Variants in IL22RA1 observed in about 807,000 individuals in gnomAD.
IL22RA1 encodes the protein interleukin-22 receptor subunit alpha-1.
IL22RA1 carries 25 observed loss-of-function variants against 32.8 expected under a neutral mutation model. The ratio of observed to expected loss-of-function variants is 0.76; its 90% confidence interval spans 0.55 to 1.06. The LOEUF (loss-of-function observed/expected upper bound fraction) is 1.06, where lower values mean the gene tolerates loss of function less well. Among genes scored for constraint, IL22RA1 ranks in the 50% least tolerant of loss-of-function variants. The pLI is 0.00. For missense variants in IL22RA1, 709 were observed against 727.4 expected (o/e 0.97, Z 0.29); for synonymous variants, 305 against 305.0 (o/e 1.00, Z 0.00).
rs753398266 is a variant in IL22RA1, at chr1:24,120,943, G to T, written c.1587C>A (p.Pro529=). Reference sequence around the variant, plus strand: ...ACACAAGGGACTCCAGCAGGCCCCAGGGACTTGGACCTTGGTCCGAGGGGG... The same window carrying T: ...ACACAAGGGACTCCAGCAGGCCCCATGGACTTGGACCTTGGTCCGAGGGGG... ...PCSPSDQGPS[P]WGLLESLVCP... The change falls in exon 7 of 7, where the codon CCC becomes CCA. Residue 529 remains proline, a synonymous_variant. Coordinates refer to ENST00000270800, the MANE Select transcript of IL22RA1 (RefSeq NM_021258.4). The T allele has an allele frequency of 1.2e-6, 2 of 1,614,126 alleles. No homozygotes were observed. Among genetic ancestry groups the T allele is most frequent in the African/African-American group, 2.7e-5 (2 of 74,962 alleles).
chr1:24,126,985 A>G (rs1644165666), intron 5 of IL22RA1, among the ~76,000 whole-genome samples: 1 of 150,684 alleles, frequency 6.6e-6, no homozygotes, highest in Admixed American at 6.6e-5. Flanking sequence ...AGCCTGAGCA[A>G]CAGGATGAAA....
At chr1:24,127,118 G>A (rs1644170743) in intron 5 of IL22RA1, among the ~76,000 whole-genome samples, 1 of 152,034 alleles carries the variant, frequency 6.6e-6, no homozygotes, top group South Asian at 2.1e-4. Flanking sequence ...CTGGGAAGCA[G>A]AAGTTGTAGT....
intron 3 of IL22RA1, among the ~76,000 whole-genome samples, chr1:24,136,195 T>C (rs1238469777): frequency 6.6e-6 from 1 of 152,154 alleles, no homozygotes; most frequent in African/African-American, 2.4e-5. Flanking sequence ...GCTCAAGTGA[T>C]CCTCTTGCCT....
At position 24,121,060 on chromosome 1, in the gene IL22RA1, C is replaced by A; in HGVS notation, c.1470G>T (p.Gln490His). The A allele has an allele frequency of 6.2e-7, 1 of 1,614,176 alleles. No homozygotes were observed. Among genetic ancestry groups the A allele is most frequent in the Admixed American group, 1.7e-5 (1 of 60,020 alleles). ...GGAGGGGGAGCTGGCCCTTTAGGTA[C>A]TGTGGTGTCCCTTCCTCCCCACTGT... Reference protein sequence around the residue: ...VLHSGEEGTPQYLKGQLPLLS... With the variant: ...VLHSGEEGTPHYLKGQLPLLS... The change falls in exon 7 of 7, where the codon CAG becomes CAT. Residue 490 changes from glutamine to histidine, a missense_variant. By Grantham distance (24) the Gln-to-His change is conservative. Coordinates refer to ENST00000270800, the MANE Select transcript of IL22RA1 (RefSeq NM_021258.4).
At chr1:24,137,603 A>G (rs1569580779) in intron 2 of IL22RA1, among the ~76,000 whole-genome samples, 1 of 143,288 alleles carries the variant, frequency 7.0e-6, no homozygotes, top group African/African-American at 2.6e-5. Flanking sequence ...TGCAACTTCT[A>G]CCTCTGGGGT....
intron 3 of IL22RA1, 52 bp from the exon 4 acceptor site, chr1:24,134,438 A>G (rs1644228622): frequency 7.2e-7 from 1 of 1,387,184 alleles, no homozygotes; most frequent in African/African-American, 1.5e-5. Context: ...ATCGGTGGGT[A>G]GTGTCTGAGG....
chr1:24,132,466 A>T (rs865865666), intron 4 of IL22RA1, among the ~76,000 whole-genome samples: 1 of 151,142 alleles, frequency 6.6e-6, no homozygotes, highest in African/African-American at 2.4e-5. Flanking sequence ...TGAGTAGCTG[A>T]GACTACAGGC....
chr1:24,142,928 G>C lies in IL22RA1; in HGVS notation c.43+112C>G, dbSNP rs540411225. ...CCGGCACCCTGCTCAGCCCTAGCAG[G>C]GGAGAAACTGAAACTGGCTATGCTC... On this transcript the variant is annotated intron_variant, in intron 1 of 6. Transcript: ENST00000270800. The C allele has an allele frequency of 1.8e-5, 19 of 1,027,054 alleles. No individual in the cohort carries two copies. The Admixed American group carries it at 3.6e-4, about 19-fold the overall frequency. 63.6% of individuals were successfully genotyped at this position (1,027,054 alleles called of 1,614,324 possible).
chr1:24,134,820 C>T, intron 3 of IL22RA1: 1 of 982,252 alleles, frequency 1.0e-6, no homozygotes, highest in Non-Finnish European at 1.2e-6. Context: ...GATGCAGCCT[C>T]AAAGATCAGG....
intron 3 of IL22RA1, among the ~76,000 whole-genome samples, chr1:24,136,129 A>T (rs1425483785): frequency 6.6e-6 from 1 of 151,856 alleles, no homozygotes; most frequent in East Asian, 1.9e-4. Context: ...TAATTTTTAA[A>T]TTTTTTGTAG....
At position 24,121,586 on chromosome 1, in the gene IL22RA1, G is replaced by A; in HGVS notation, c.944C>T (p.Ala315Val). The change falls in exon 7 of 7, where the codon GCT becomes GTT. Residue 315 changes from alanine (A) to valine (V), a missense_variant. By Grantham distance (64) the Ala-to-Val change is moderately conservative. Coordinates refer to ENST00000270800, the MANE Select transcript of IL22RA1 (RefSeq NM_021258.4). ...CTCGGACAGGCTATGCCGCTGTGGA[G>A]CTCCTGCGGGCTCCCTGGGTCCAGA... is the stretch of plus-strand genomic sequence containing the variant. The part of the protein sequence containing the change: ...RVSGPREPAG[A>V]PQRHSLSEIT... 6.2e-7 allele frequency: 1 copy of A among 1,612,592 alleles called. No individual in the cohort carries two copies. Among genetic ancestry groups the A allele is most frequent in the East Asian group, 2.2e-5 (1 of 44,824 alleles).
At chr1:24,134,853 A>C (rs940728431) in intron 3 of IL22RA1, 38 of 984,642 alleles carry the variant, frequency 3.9e-5, no homozygotes, top group Middle Eastern at 5.2e-4. Context: ...GTCTCTCTCA[A>C]GATGGAATTT....
In IL22RA1 at chr1:24,125,538, T is replaced by A. The variant is rs79220227; in HGVS notation, c.671-2115A>T. ...GATACACAGTCAAGGGCAGGATGCA[T>A]CACTCTGAAATGGAAGTAGGAGGAA... On this transcript the variant is annotated intron_variant, in intron 5 of 6. Transcript: ENST00000270800. Among the ~76,000 whole-genome samples, 365 of 151,906 alleles carry A rather than the reference T, an allele frequency of 2.4e-3. 3 individuals carry two copies. Among genetic ancestry groups the A allele is most frequent in the African/African-American group, 8.2e-3 (339 of 41,406 alleles).
In IL22RA1 at chr1:24,120,556, C is replaced by T. The variant is rs899716714; in HGVS notation, c.*249G>A. ...GTCATTTCTGCCTTGCAGGGCTCAG[C>T]GAGCACGCGCTTGTCTACACAAGCT... is the stretch of plus-strand genomic sequence containing the variant. On this transcript the variant is annotated 3_prime_UTR_variant, in exon 7 of 7. Coordinates refer to ENST00000270800, the MANE Select transcript of IL22RA1 (RefSeq NM_021258.4). 3 of 460,114 alleles carry T rather than the reference C, an allele frequency of 6.5e-6. No homozygotes were observed. Among genetic ancestry groups the T allele is most frequent in the South Asian group, 4.9e-5 (1 of 20,534 alleles). 28.5% of individuals were successfully genotyped at this position (460,114 alleles called of 1,614,324 possible).
intron 1 of IL22RA1, among the ~76,000 whole-genome samples, chr1:24,140,223 C>T (rs1351087355): frequency 2.0e-5 from 3 of 152,208 alleles, no homozygotes; most frequent in African/African-American, 7.2e-5. Flanking sequence ...AGCTGCCGCC[C>T]AGCATCACAG....
Position 24,128,145 on chromosome 1 carries a change from C to A in IL22RA1, c.666G>T (p.Leu222=). 1 of 1,532,656 alleles carries A rather than the reference C, an allele frequency of 6.5e-7. No homozygotes were observed. The highest frequency in any genetic ancestry group is 1.4e-5 in the African/African-American group (1 of 71,760). The allele number at this position is 1,532,656 out of a possible 1,614,324, so 94.9% of individuals were successfully genotyped here. The change falls in exon 5 of 7, where the codon CTG becomes CTT. Residue 222 remains leucine, a synonymous_variant. Coordinates refer to ENST00000270800, the MANE Select transcript of IL22RA1 (RefSeq NM_021258.4). ...SAPYMCRVKT[L]PDRTWTYSFS... is the part of the protein sequence containing the mutation. The stretch of plus-strand genomic sequence containing the variant: ...TCTGGTTTCAGCCGAACTCACCTGG[C>A]AGTGTCTTCACTCGGCACATGTAGG...
chr1:24,140,900 G>C (rs893975644), intron 1 of IL22RA1, among the ~76,000 whole-genome samples: 1 of 152,238 alleles, frequency 6.6e-6, no homozygotes, highest in Admixed American at 6.5e-5. Flanking sequence ...CCCCAGACAC[G>C]TCTACGACTG....
chr1:24,137,353 C>A lies in IL22RA1; in HGVS notation c.177-44G>T, dbSNP rs761493184. 1.9e-6 allele frequency: 3 copies of A among 1,583,020 alleles called. No homozygotes were observed. The African/African-American group carries it at 4.0e-5, about 21-fold the overall frequency. On this transcript the variant is annotated intron_variant, in intron 2 of 6. Coordinates refer to ENST00000270800, the MANE Select transcript of IL22RA1 (RefSeq NM_021258.4). ...CCAAGTCACCGTGGTGATGAAAAGG[C>A]CAGCGCTAGGCCTGTGGCTTATTAA...
chr1:24,128,423 T>A, intron 4 of IL22RA1, 144 bp from the exon 5 acceptor site: 1 of 942,018 alleles, frequency 1.1e-6, no homozygotes, highest in Non-Finnish European at 1.6e-6. Context: ...CCCTCCCTTC[T>A]GCTTTATCCC....
Sources: gnomAD v4.1 joint callset for allele counts (sites outside exome capture counted in the v4.1 genomes callset) on GRCh38, gnomAD v4.1.1 for gene constraint, MANE v1.5 for transcripts, NCBI Gene and HGNC (gene_info 2026-07-23, HGNC 2026-07-21) for gene names.